The following SNX29 variants were observed in gnomAD, a reference collection of about 807,000 sequenced individuals.
SNX29 encodes the protein sorting nexin-29.
Under a neutral mutation model 102.1 loss-of-function variants are expected in SNX29, and 78 were observed. The ratio of observed to expected loss-of-function variants is 0.76; its 90% CI spans 0.64 to 0.92. The LOEUF (loss-of-function observed/expected upper bound fraction) is 0.92, where lower values mean the gene tolerates loss of function less well. SNX29 is among the 40% of genes least tolerant of loss of function. The pLI, the probability that SNX29 is intolerant of heterozygous loss-of-function variation, is 0.00. For missense variants in SNX29, 1,280 were observed against 1,061.7 expected (o/e 1.21, Z -2.86); for synonymous variants, 580 against 414.5 (o/e 1.40, Z -4.85).
At chr16:12,324,827 C>T in intron 15 of SNX29, among the ~76,000 whole-genome samples, 1 of 152,114 alleles carries the variant, frequency 6.6e-6, no homozygotes, top group East Asian at 1.9e-4. Flanking sequence ...ACCGAAACCT[C>T]CCAGGCTACC....
chr16:12,390,082 T>G (rs912139457), intron 16 of SNX29, among the ~76,000 whole-genome samples: 1 of 152,068 alleles, frequency 6.6e-6, no homozygotes, highest in African/African-American at 2.4e-5. Flanking sequence ...AGGTGATCCT[T>G]AAAAGTCTGT....
intron 8 of SNX29, chr16:12,052,471 C>G (rs1401938718): frequency 7.9e-5 from 33 of 417,266 alleles, no homozygotes; most frequent in South Asian, 6.7e-4. Flanking sequence ...CCTGCCTTGG[C>G]CTCCCAAATT....
chr16:12,098,101 C>A lies in SNX29; in HGVS notation c.1402+19186C>A, dbSNP rs983140510. Among the ~76,000 whole-genome samples the A allele has an allele frequency of 1.3e-5, 2 of 152,150 alleles. No homozygotes were observed. The highest frequency in any genetic ancestry group is 2.9e-5 in the Non-Finnish European group (2 of 68,030). On this transcript the variant is annotated intron_variant, in intron 11 of 20. Coordinates refer to ENST00000566228, the MANE Select transcript of SNX29 (RefSeq NM_032167.5). The surrounding 1 kb of genome is among the most constrained non-coding windows in gnomAD (Gnocchi z 6.0). The stretch of plus-strand genomic sequence containing the variant: ...TGTGCAGTGCCCGCACACGCTGGGC[C>A]CAGAGGACGCTCAGTACGTGGCCGG...
intron 20 of SNX29, among the ~76,000 whole-genome samples, chr16:12,542,174 C>A (rs1344697599): frequency 6.6e-6 from 1 of 152,194 alleles, no homozygotes; most frequent in Non-Finnish European, 1.5e-5. Context: ...GTGTCAGGCC[C>A]TGTGCTAAGC....
intron 14 of SNX29, among the ~76,000 whole-genome samples, chr16:12,207,384 A>G (rs535325438): frequency 1.3e-5 from 2 of 152,268 alleles, no homozygotes; most frequent in South Asian, 2.1e-4. Context: ...AAAATAAAAT[A>G]AAAAACAAAA....
At chr16:11,989,536 T>A (rs565405808) in intron 1 of SNX29, among the ~76,000 whole-genome samples, 1 of 152,268 alleles carries the variant, frequency 6.6e-6, no homozygotes, top group African/African-American at 2.4e-5. Context: ...CTAGAGCAGA[T>A]AAAACCACCA....
intron 20 of SNX29, among the ~76,000 whole-genome samples, chr16:12,552,386 T>G (rs976461984): frequency 6.6e-6 from 1 of 152,210 alleles, no homozygotes; most frequent in Non-Finnish European, 1.5e-5. Flanking sequence ...GCAAGCATGG[T>G]ACCTGGCGCA....
chr16:12,083,946 T>C (rs1434851346), intron 11 of SNX29, among the ~76,000 whole-genome samples: 3 of 152,184 alleles, frequency 2.0e-5, no homozygotes, highest in Non-Finnish European at 4.4e-5. Context: ...AATTGTGAAG[T>C]CTTCTATCGA....
At chr16:12,537,460 C>T (rs1319293642) in intron 20 of SNX29, among the ~76,000 whole-genome samples, 2 of 150,736 alleles carry the variant, frequency 1.3e-5, no homozygotes, top group East Asian at 1.9e-4. Flanking sequence ...ACCTCTGCCT[C>T]AGCATCCTCA....
intron 14 of SNX29, among the ~76,000 whole-genome samples, chr16:12,204,943 G>A (rs1482671362): frequency 3.3e-5 from 5 of 151,796 alleles, no homozygotes; most frequent in Non-Finnish European, 1.5e-5. Context: ...CCACACCCAT[G>A]TGCGCTTTGT....
intron 16 of SNX29, among the ~76,000 whole-genome samples, chr16:12,389,649 C>T (rs774341713): frequency 2.6e-5 from 4 of 152,054 alleles, no homozygotes; most frequent in Non-Finnish European, 5.9e-5. Flanking sequence ...AAAAAAAAAT[C>T]ATGTTTGTGT....
At chr16:12,566,638 C>T (rs1416385342) in intron 20 of SNX29, among the ~76,000 whole-genome samples, 1 of 152,340 alleles carries the variant, frequency 6.6e-6, no homozygotes, top group Admixed American at 6.5e-5. Flanking sequence ...AGACCTCCTT[C>T]CAGCATCTTT....
chr16:12,357,273 A>G (rs1415695504), intron 16 of SNX29, among the ~76,000 whole-genome samples: 4 of 152,112 alleles, frequency 2.6e-5, no homozygotes, highest in African/African-American at 4.8e-5. Context: ...TCCTCCTCCT[A>G]TATCATTTCA....
At chr16:12,429,591 C>T (rs1001030224) in intron 18 of SNX29, among the ~76,000 whole-genome samples, 16 of 152,176 alleles carry the variant, frequency 1.1e-4, no homozygotes, top group Non-Finnish European at 1.8e-4. Flanking sequence ...TTTAATTTAA[C>T]GTGAGATTTT....
chr16:12,139,979 T>TTA (rs144110763), intron 13 of SNX29, among the ~76,000 whole-genome samples: 1 of 63,058 alleles, frequency 1.6e-5, no homozygotes, highest in Non-Finnish European at 3.0e-5. Context: ...ATACCCTGTC[T>TTA]CAAAAAAAAA....
chr16:12,300,377 C>T (rs1267320865), intron 15 of SNX29, among the ~76,000 whole-genome samples: 3 of 152,166 alleles, frequency 2.0e-5, no homozygotes, highest in Non-Finnish European at 2.9e-5. Flanking sequence ...GCTCTGATAG[C>T]ATCGATCATC....
intron 18 of SNX29, among the ~76,000 whole-genome samples, chr16:12,433,095 T>C (rs1437934013): frequency 6.6e-6 from 1 of 152,210 alleles, no homozygotes; most frequent in Non-Finnish European, 1.5e-5. Flanking sequence ...AATCACATGC[T>C]TCTGAAAAGT....
chr16:12,031,947 C>T, intron 4 of SNX29, among the ~76,000 whole-genome samples: 1 of 152,098 alleles, frequency 6.6e-6, no homozygotes, highest in East Asian at 1.9e-4. Flanking sequence ...TCATTACCAC[C>T]ATTCATCTCA....
At chr16:12,442,906 A>C (rs185707630) in intron 18 of SNX29, 102 of 424,250 alleles carry the variant, frequency 2.4e-4, no homozygotes, top group African/African-American at 3.5e-4. Flanking sequence ...TTCAAAAAAA[A>C]CTTTTTTTTC....
Sources: gnomAD v4.1 joint callset for allele counts (sites outside exome capture counted in the v4.1 genomes callset) on GRCh38, gnomAD v4.1.1 for gene constraint, Gnocchi (gnomAD v3.1) non-coding constraint, MANE v1.5 for transcripts, NCBI Gene and HGNC (gene_info 2026-07-23, HGNC 2026-07-21) for gene names.